Variants in RANBP2 observed in about 807,000 individuals in gnomAD.
The protein encoded by RANBP2 is E3 SUMO-protein ligase RanBP2.
RANBP2 carries 57 observed loss-of-function variants against 303.6 expected under a neutral mutation model. The ratio of observed to expected loss-of-function variants is 0.19; its 90% confidence interval spans 0.15 to 0.23. The LOEUF is 0.23. Among genes scored for constraint, RANBP2 ranks in the 10% least tolerant of loss-of-function variants. The pLI is 1.00. For synonymous variants in RANBP2, 1,167 were observed against 1,301.5 expected (o/e 0.90, Z 2.23); for missense variants, 3,138 against 3,780.8 (o/e 0.83, Z 4.46).
At chr2:109,260,779 G>A in the RANBP2 span, among the ~76,000 whole-genome samples, 4 of 152,324 alleles carry the variant, frequency 2.6e-5, no homozygotes, top group African/African-American at 9.6e-5. Flanking sequence ...GGTGACCCTA[G>A]CGTGTGTCTG....
the RANBP2 span, among the ~76,000 whole-genome samples, chr2:109,373,292 C>T: frequency 6.6e-6 from 1 of 152,236 alleles, no homozygotes; most frequent in Non-Finnish European, 1.5e-5. Context: ...AGCTCTCGGA[C>T]ATTTTTAGCT....
At chr2:108,963,961 T>C in the RANBP2 span, among the ~76,000 whole-genome samples, 17 of 152,304 alleles carry the variant, frequency 1.1e-4, 1 homozygote, top group African/African-American at 4.1e-4. Flanking sequence ...TCTTGGACCA[T>C]TTTCCTCAAC....
intron 20 of RANBP2, among the ~76,000 whole-genome samples, chr2:108,770,005 T>C (rs1214591231): frequency 6.6e-6 from 1 of 152,224 alleles, no homozygotes; most frequent in Non-Finnish European, 1.5e-5. Flanking sequence ...TAGCTCTTAA[T>C]CTTTTATTTT....
the RANBP2 span, among the ~76,000 whole-genome samples, chr2:109,314,503 C>T: frequency 1.3e-4 from 20 of 152,126 alleles, no homozygotes; most frequent in Admixed American, 9.8e-4. Context: ...ATGTCACCTC[C>T]GTGCAGGAAT....
chr2:109,240,330 A>G, the RANBP2 span, among the ~76,000 whole-genome samples: 1 of 152,164 alleles, frequency 6.6e-6, no homozygotes, highest in Non-Finnish European at 1.5e-5. Context: ...TACTAAAAAT[A>G]CAAAAAAATT....
At chr2:109,411,469 A>T in the RANBP2 span, among the ~76,000 whole-genome samples, 1 of 151,680 alleles carries the variant, frequency 6.6e-6, no homozygotes, top group South Asian at 2.1e-4. Context: ...CAGTGGGAGG[A>T]CCCCTGACCC....
At chr2:109,638,428 A>T in the RANBP2 span, among the ~76,000 whole-genome samples, 1 of 152,166 alleles carries the variant, frequency 6.6e-6, no homozygotes. Context: ...ATTCCCCACC[A>T]GGTGTGCATG....
At chr2:108,930,751 C>G in the RANBP2 span, among the ~76,000 whole-genome samples, 1 of 152,186 alleles carries the variant, frequency 6.6e-6, no homozygotes, top group African/African-American at 2.4e-5. Context: ...ATCCATGAGA[C>G]CCTATGAAGG....
chr2:108,805,029 T>C, the RANBP2 span: 2 of 1,322,388 alleles, frequency 1.5e-6, no homozygotes, highest in African/African-American at 1.5e-5. Flanking sequence ...TTTTAATATA[T>C]ACTGAACATA....
chr2:109,621,914 A>AAAAAAAT, the RANBP2 span, among the ~76,000 whole-genome samples: 1 of 146,486 alleles, frequency 6.8e-6, no homozygotes, highest in African/African-American at 2.5e-5. Context: ...CTCCATCTCA[A>AAAAAAAT]AAATAAATAA....
the RANBP2 span, among the ~76,000 whole-genome samples, chr2:108,951,450 G>A: frequency 1.1e-4 from 16 of 152,298 alleles, no homozygotes; most frequent in South Asian, 6.2e-4. Flanking sequence ...GTACTAGCAC[G>A]TAGTGAACTC....
the RANBP2 span, among the ~76,000 whole-genome samples, chr2:109,155,601 G>T: frequency 6.6e-6 from 1 of 152,046 alleles, no homozygotes; most frequent in African/African-American, 2.4e-5. Flanking sequence ...GTGCCTGGCC[G>T]GATCTTTGTT....
the RANBP2 span, among the ~76,000 whole-genome samples, chr2:109,446,402 G>A: frequency 6.6e-6 from 1 of 152,244 alleles, no homozygotes; most frequent in Non-Finnish European, 1.5e-5. Context: ...CCGTTGCACA[G>A]TGGGGACAGG....
chr2:108,750,500 C>A (rs1442478009), intron 9 of RANBP2, among the ~76,000 whole-genome samples: 1 of 152,202 alleles, frequency 6.6e-6, no homozygotes, highest in Non-Finnish European at 1.5e-5. Context: ...TTAAGTCTTG[C>A]AAATTGCCAA....
the RANBP2 span, chr2:109,593,121 TA>T: frequency 3.8e-6 from 6 of 1,590,690 alleles, no homozygotes; most frequent in East Asian, 2.3e-5. Flanking sequence ...CTGAAAGAGC[TA>T]AAAAAGGAAT....
chr2:109,573,691 G>A, the RANBP2 span, among the ~76,000 whole-genome samples: 4 of 152,270 alleles, frequency 2.6e-5, no homozygotes, highest in South Asian at 8.3e-4. Flanking sequence ...GCTTCATTTC[G>A]CATACCATTT....
At chr2:109,166,400 G>A in the RANBP2 span, among the ~76,000 whole-genome samples, 2 of 151,498 alleles carry the variant, frequency 1.3e-5, no homozygotes, top group South Asian at 2.1e-4. Flanking sequence ...TCACTTGAAC[G>A]TGGGAGGCGG....
the RANBP2 span, among the ~76,000 whole-genome samples, chr2:108,832,404 A>G: frequency 2.1e-5 from 3 of 144,940 alleles, no homozygotes; most frequent in South Asian, 2.2e-4. Context: ...CTGGAGTGCA[A>G]TGGTGTGATC....
the RANBP2 span, among the ~76,000 whole-genome samples, chr2:109,580,135 A>C: frequency 6.6e-6 from 1 of 152,198 alleles, no homozygotes; most frequent in Non-Finnish European, 1.5e-5. Flanking sequence ...AAAAGAGTAT[A>C]AGACAAGAAT....
Sources: gnomAD v4.1 joint callset for allele counts (sites outside exome capture counted in the v4.1 genomes callset) on GRCh38, gnomAD v4.1.1 for gene constraint, MANE v1.5 for transcripts, NCBI Gene and HGNC (gene_info 2026-07-23, HGNC 2026-07-21) for gene names.